The following ZNF274 variants were observed in gnomAD, a reference collection of about 807,000 sequenced individuals.
The protein encoded by ZNF274 is zinc finger protein 274.
A neutral mutation model predicts 42.5 loss-of-function variants in ZNF274; 23 were observed. That is an observed-to-expected ratio of 0.54 (90% CI 0.39 to 0.77). The LOEUF (loss-of-function observed/expected upper bound fraction) is 0.77, where lower values mean the gene tolerates loss of function less well. Ranked by LOEUF, ZNF274 falls within the 30% of genes least tolerant of loss-of-function variation. The probability of loss-of-function intolerance (pLI) is 0.00; values close to 1 mark genes in which losing one functional copy is unlikely to be tolerated. For missense variants in ZNF274, 679 were observed against 806.5 expected (o/e 0.84, Z 1.91); for synonymous variants, 292 against 305.4 (o/e 0.96, Z 0.46).
At position 58,210,145 on chromosome 19, in the gene ZNF274, C is replaced by G. The variant is rs145238967; in HGVS notation, c.852+72C>G. On this transcript the variant is annotated intron_variant, in intron 6 of 7. Coordinates refer to ENST00000617501, the MANE Select transcript of ZNF274 (RefSeq NM_133502.3). ...GGCAGGCCCACCCCTGAGGCATCCACTCTGCCCTGGGCTTTCCTAAGACCT... is the reference window on the plus strand; with the variant it reads ...GGCAGGCCCACCCCTGAGGCATCCAGTCTGCCCTGGGCTTTCCTAAGACCT... 1.6e-3 allele frequency: 1,992 copies of G among 1,268,804 alleles called. 14 individuals are homozygous for G. In the Middle Eastern group the frequency reaches 0.025, roughly 16 times the overall value. 78.6% of individuals were successfully genotyped at this position (1,268,804 alleles called of 1,614,324 possible). A position where few individuals can be genotyped will look rare whatever the true frequency, so the allele number is the denominator to read the frequency against.
intron 4 of ZNF274, among the ~76,000 whole-genome samples, chr19:58,198,967 A>G (rs985673602): frequency 1.3e-5 from 2 of 152,042 alleles, no homozygotes; most frequent in African/African-American, 2.4e-5. Flanking sequence ...TGCTGGAGCC[A>G]GGAATTGGAG....
At position 58,212,043 on chromosome 19, in the gene ZNF274, C is replaced by T; in HGVS notation, c.980-118C>T. ...TTCAGTCTCTCTCCAGGTTGCATGA[C>T]TCTATTTGGGAGAAAAAAAAAATCC... On this transcript the variant is annotated intron_variant, in intron 7 of 7. Transcript: ENST00000617501. This position sits in a 1 kb window ranked among gnomAD's most constrained non-coding sequence, Gnocchi z 4.6. The T allele has an allele frequency of 2.4e-6, 3 of 1,269,416 alleles. No homozygotes were observed. The East Asian group carries it at 7.0e-5, about 30-fold the overall frequency. 78.6% of individuals were successfully genotyped at this position (1,269,416 alleles called of 1,614,324 possible).
intron 4 of ZNF274, among the ~76,000 whole-genome samples, chr19:58,201,332 A>AT (rs2075908630): frequency 6.7e-6 from 1 of 150,092 alleles, no homozygotes; most frequent in Non-Finnish European, 1.5e-5. Context: ...AAACAACCAG[A>AT]TCTCGTGTGA....
At chr19:58,193,445 C>CTTTTT (rs71188098) in intron 4 of ZNF274, among the ~76,000 whole-genome samples, 6 of 47,812 alleles carry the variant, frequency 1.3e-4, no homozygotes, top group Non-Finnish European at 1.8e-4. Flanking sequence ...CGCGCCTGGC[C>CTTTTT]TTTTTTTTTT....
chr19:58,194,851 A>G (rs1416059449), intron 4 of ZNF274, among the ~76,000 whole-genome samples: 2 of 151,890 alleles, frequency 1.3e-5, no homozygotes, highest in African/African-American at 2.4e-5. Flanking sequence ...AAATACAAAA[A>G]ATAGCCGGGC....
chr19:58,203,169 C>T (rs1227084917), intron 4 of ZNF274, among the ~76,000 whole-genome samples: 3 of 152,116 alleles, frequency 2.0e-5, no homozygotes. Context: ...CACTTAGCCC[C>T]CCCCCAGGAA....
chr19:58,198,476 T>A (rs991814844), intron 4 of ZNF274, among the ~76,000 whole-genome samples: 1 of 150,386 alleles, frequency 6.6e-6, no homozygotes, highest in Non-Finnish European at 1.5e-5. Context: ...GTACAGAAGA[T>A]GAGCATAAAA....
intron 3 of ZNF274, 147 bp from the exon 4 acceptor site, chr19:58,186,798 CAG>C (rs2075704738): frequency 1.5e-6 from 1 of 646,254 alleles, no homozygotes; most frequent in Admixed American, 2.7e-5. Flanking sequence ...AAGCCAACAA[CAG>C]GGATGGATGG....
At chr19:58,192,479 C>T (rs552083478) in intron 4 of ZNF274, among the ~76,000 whole-genome samples, 2 of 152,290 alleles carry the variant, frequency 1.3e-5, no homozygotes, top group South Asian at 2.1e-4. Flanking sequence ...AAGAATTTCT[C>T]GTAGGTGACT....
intron 4 of ZNF274, among the ~76,000 whole-genome samples, chr19:58,201,010 TTG>T (rs1195019887): frequency 1.3e-5 from 2 of 149,562 alleles, no homozygotes; most frequent in African/African-American, 5.1e-5. Flanking sequence ...TTTGTTTGTT[TTG>T]TTTTTTTTTT....
In ZNF274 at chr19:58,210,052, C is replaced by T. The variant is rs367946036; in HGVS notation, c.831C>T (p.Cys277=). The T allele has an allele frequency of 6.8e-6, 11 of 1,613,536 alleles. No homozygotes were observed. The highest frequency in any genetic ancestry group is 1.7e-5 in the Admixed American group (1 of 59,982). Residue 277 remains cysteine (C), a synonymous_variant, in exon 6 of 8, where the codon TGC becomes TGT. Coordinates refer to ENST00000617501, the MANE Select transcript of ZNF274 (RefSeq NM_133502.3). ...AGAAGCAGGAGGATGCAGCCATCTG[C>T]CCAGTGACAGTGCTCCCTGAGGTAA... ...QEEKQEDAAI[C]PVTVLPEEPV...
rs200515441 is a variant in ZNF274, at chr19:58,209,718, G to T, written c.740-243G>T. 5 of 398,354 alleles carry T rather than the reference G, an allele frequency of 1.3e-5. No individual in the cohort carries two copies. The East Asian group carries it at 2.4e-4, about 19-fold the overall frequency. 24.7% of individuals were successfully genotyped at this position (398,354 alleles called of 1,614,324 possible). ...AGTGGGACCAGAGTCTCAGCAGTGA[G>T]GACACTGGTGCCCTGTGACCCTTGG... On this transcript the variant is annotated intron_variant, in intron 5 of 7. Transcript: ENST00000617501.
intron 2 of ZNF274, 38 bp downstream of exon 2, chr19:58,184,036 T>C (rs1461386085): frequency 2.5e-6 from 4 of 1,575,732 alleles, no homozygotes; most frequent in Non-Finnish European, 2.6e-6. Flanking sequence ...AGTCCGCTAC[T>C]GCACCTGGGA....
At chr19:58,199,711 T>A (rs1245281247) in intron 4 of ZNF274, among the ~76,000 whole-genome samples, 1 of 152,206 alleles carries the variant, frequency 6.6e-6, no homozygotes, top group East Asian at 1.9e-4. Context: ...AGATTCCATC[T>A]CAAAAAGAAA....
At chr19:58,185,585 C>A in intron 2 of ZNF274, 127 bp from the exon 3 acceptor site, 3 of 1,048,148 alleles carry the variant, frequency 2.9e-6, no homozygotes, top group Non-Finnish European at 3.8e-6. Flanking sequence ...CAGGATGAGA[C>A]TCCCAAAATG....
rs186355997 is a variant in ZNF274 at position 58,199,765 on chromosome 19, A to G, written c.257-6955A>G. On this transcript the variant is annotated intron_variant, in intron 4 of 7. Coordinates refer to ENST00000617501, the MANE Select transcript of ZNF274 (RefSeq NM_133502.3). ...ACCAGGAATATCAAATTTGACATGG[A>G]TATACAAAATACATTAATACCTTTA... Among the ~76,000 whole-genome samples, 555 of 152,368 alleles carry G rather than the reference A, an allele frequency of 3.6e-3. 1 individual carries two copies. Among genetic ancestry groups the G allele is most frequent in the Non-Finnish European group, 5.9e-3 (403 of 68,032 alleles).
chr19:58,191,295 G>A lies in ZNF274; in HGVS notation c.256+4253G>A, dbSNP rs1231644603. Among the ~76,000 whole-genome samples the A allele has an allele frequency of 6.6e-5, 10 of 152,202 alleles. No homozygotes were observed. In the East Asian group the frequency reaches 1.9e-3, roughly 29 times the overall value. The stretch of plus-strand genomic sequence containing the variant: ...TGGGACTACAGGTGCACACCACCAC[G>A]CTCAGCTAATTTTTTGTATTTTTAG... On this transcript the variant is annotated intron_variant, in intron 4 of 7. Transcript: ENST00000617501.
rs138101114 is a variant in ZNF274 at position 58,196,927 on chromosome 19, CAG to C, written c.257-9792_257-9791del. Among the ~76,000 whole-genome samples, 844 of 152,280 alleles carry C rather than the reference CAG, an allele frequency of 5.5e-3. 9 individuals are homozygous for C. Among genetic ancestry groups the C allele is most frequent in the African/African-American group, 0.019 (786 of 41,544 alleles). On this transcript the variant is annotated intron_variant, in intron 4 of 7. Transcript: ENST00000617501. The stretch of plus-strand genomic sequence containing the variant: ...ACTTTTCACCATCTGAGAACTCACA[CAG>C]GGAAGAAACCTCAGAAATATGATCA...
At chr19:58,185,623 G>C in intron 2 of ZNF274, 89 bp from the exon 3 acceptor site, 1 of 1,336,032 alleles carries the variant, frequency 7.5e-7, no homozygotes, top group East Asian at 2.8e-5. Flanking sequence ...AGACCATTCT[G>C]TGCTTTCACT....
Sources: allele counts gnomAD v4.1 joint callset (sites outside exome capture counted in the v4.1 genomes callset), GRCh38; gene constraint gnomAD v4.1.1; non-coding constraint Gnocchi (gnomAD v3.1); transcripts MANE v1.5; gene names NCBI Gene and HGNC (gene_info 2026-07-23, HGNC 2026-07-21).